CEP112: variants seen among roughly 807,000 people sequenced by gnomAD.
CEP112 encodes centrosomal protein of 112 kDa.
Under a neutral mutation model 153.0 loss-of-function variants are expected in CEP112, and 127 were observed. That is an observed-to-expected ratio of 0.83 (90% CI 0.72 to 0.96). The LOEUF is 0.96. CEP112 is among the 40% of genes least tolerant of loss of function. CEP112 has a pLI of 0.00. For synonymous variants in CEP112, 358 were observed against 374.4 expected, an observed-to-expected ratio of 0.96 and a Z score of 0.51; for missense variants, 1,089 against 1,101.2, an observed-to-expected ratio of 0.99 and a Z score of 0.16.
chr17:66,065,382 T>C (rs1209310783), intron 10 of CEP112, among the ~76,000 whole-genome samples: 1 of 152,136 alleles, frequency 6.6e-6, no homozygotes, highest in Non-Finnish European at 1.5e-5. Flanking sequence ...TTCTAATAAG[T>C]AGAATTCTCT....
intron 16 of CEP112, among the ~76,000 whole-genome samples, chr17:66,008,863 C>CTG (rs1194454550): frequency 1.6e-5 from 2 of 121,324 alleles, no homozygotes; most frequent in Non-Finnish European, 3.6e-5. Flanking sequence ...TAGTATTCCA[C>CTG]TGTATATATA....
intron 23 of CEP112, among the ~76,000 whole-genome samples, chr17:65,708,883 T>C (rs1332257669): frequency 6.6e-6 from 1 of 152,220 alleles, no homozygotes; most frequent in Non-Finnish European, 1.5e-5. Flanking sequence ...TCGTGGTGCC[T>C]GCCTCACACA....
At position 66,177,053 on chromosome 17, in the gene CEP112, T is replaced by C. The variant is rs191699256; in HGVS notation, c.107-33A>G. The C allele has an allele frequency of 9.3e-4, 1,421 of 1,530,274 alleles. 5 individuals carry two copies. The highest frequency in any genetic ancestry group is 1.2e-3 in the Non-Finnish European group (1,332 of 1,134,898). The allele number at this position is 1,530,274 out of a possible 1,614,324, so 94.8% of individuals were successfully genotyped here. A position where few individuals can be genotyped will look rare whatever the true frequency, so the allele number is the denominator to read the frequency against. On this transcript the variant is annotated intron_variant, in intron 2 of 26. Coordinates refer to ENST00000535342, the MANE Select transcript of CEP112 (RefSeq NM_001199165.4). The stretch of plus-strand genomic sequence containing the variant: ...TACAGAAGAACTATTAGAAATTTTA[T>C]TTTTTATAAAATGAAACATTCAATT...
chr17:65,929,541 C>T (rs2061048519), intron 18 of CEP112, among the ~76,000 whole-genome samples: 1 of 152,126 alleles, frequency 6.6e-6, no homozygotes, highest in African/African-American at 2.4e-5. Context: ...GCCACTAAGT[C>T]CACCTAGTCC....
At chr17:65,667,488 A>T (rs2046752661) in intron 24 of CEP112, among the ~76,000 whole-genome samples, 1 of 152,102 alleles carries the variant, frequency 6.6e-6, no homozygotes, top group African/African-American at 2.4e-5. Flanking sequence ...AAAGCAAAAA[A>T]ATATATATTA....
At chr17:65,810,807 G>A (rs148815499) in intron 21 of CEP112, among the ~76,000 whole-genome samples, 1,597 of 152,276 alleles carry the variant, frequency 0.01, 28 homozygotes, top group African/African-American at 0.036. Context: ...GATGAGGAGT[G>A]TAGTGTACTA....
chr17:66,102,524 A>G (rs1448898124), intron 6 of CEP112, among the ~76,000 whole-genome samples: 1 of 152,130 alleles, frequency 6.6e-6, no homozygotes, highest in Non-Finnish European at 1.5e-5. Context: ...CAGGCCAGGC[A>G]TGGTGGCTCA....
At chr17:65,767,317 T>C (rs1005296824) in intron 21 of CEP112, among the ~76,000 whole-genome samples, 1 of 151,916 alleles carries the variant, frequency 6.6e-6, no homozygotes, top group Non-Finnish European at 1.5e-5. Context: ...AAAGAAAAAC[T>C]GAAAACGATC....
chr17:65,718,623 T>G (rs1185708557), intron 23 of CEP112, among the ~76,000 whole-genome samples: 1 of 152,184 alleles, frequency 6.6e-6, no homozygotes, highest in African/African-American at 2.4e-5. Context: ...CTTTTTGTGA[T>G]CTATTTGTTT....
intron 17 of CEP112, among the ~76,000 whole-genome samples, chr17:65,981,112 G>A (rs532106663): frequency 6.6e-6 from 1 of 152,054 alleles, no homozygotes; most frequent in Non-Finnish European, 1.5e-5. Flanking sequence ...CACCACGCCC[G>A]GCCATCTTCT....
intron 17 of CEP112, among the ~76,000 whole-genome samples, chr17:65,965,519 T>A (rs28406483): frequency 2.3e-5 from 1 of 43,362 alleles, no homozygotes; most frequent in Non-Finnish European, 5.0e-5. Flanking sequence ...TTCTGCCCCC[T>A]TTTTTTTTTT....
At chr17:65,727,171 T>C (rs969126342) in intron 23 of CEP112, among the ~76,000 whole-genome samples, 1 of 152,224 alleles carries the variant, frequency 6.6e-6, no homozygotes, top group African/African-American at 2.4e-5. Context: ...AAATGAAAAC[T>C]TATACTGGTC....
At chr17:65,800,695 A>G (rs1359404121) in intron 21 of CEP112, among the ~76,000 whole-genome samples, 1 of 152,238 alleles carries the variant, frequency 6.6e-6, no homozygotes, top group Non-Finnish European at 1.5e-5. Context: ...ACTGTTTTCT[A>G]AAGTGGTTGG....
chr17:66,101,774 G>GA (rs1156426855), intron 6 of CEP112, among the ~76,000 whole-genome samples: 1 of 151,560 alleles, frequency 6.6e-6, no homozygotes, highest in Non-Finnish European at 1.5e-5. Context: ...ATACATGCTG[G>GA]AAAAAAATGC....
chr17:66,130,751 G>C (rs1048208561), intron 5 of CEP112, among the ~76,000 whole-genome samples: 1 of 148,642 alleles, frequency 6.7e-6, no homozygotes, highest in Non-Finnish European at 1.5e-5. Context: ...ACTCCAGCCT[G>C]GGCGACAGAG....
intron 20 of CEP112, among the ~76,000 whole-genome samples, chr17:65,869,373 T>C (rs555548052): frequency 6.6e-6 from 1 of 152,314 alleles, no homozygotes; most frequent in African/African-American, 2.4e-5. Context: ...TAGCCCATCT[T>C]GTGGTTCGGT....
chr17:66,138,406 C>T lies in CEP112; in HGVS notation c.471-5643G>A, dbSNP rs190495935. On this transcript the variant is annotated intron_variant, in intron 4 of 26. Transcript: ENST00000535342. ...GAGACAGGAACTCAAATAAGACAAA[C>T]GTTAAGTTTCTCCAGTGTTAAGACT... Among the ~76,000 whole-genome samples the T allele has an allele frequency of 2.8e-4, 43 of 152,164 alleles. 1 individual carries two copies. Among genetic ancestry groups the T allele is most frequent in the African/African-American group, 9.6e-4 (40 of 41,512 alleles).
At chr17:65,888,241 T>C (rs989228931) in intron 20 of CEP112, among the ~76,000 whole-genome samples, 2 of 152,232 alleles carry the variant, frequency 1.3e-5, no homozygotes, top group Non-Finnish European at 2.9e-5. Context: ...TGTTCAGATC[T>C]TCCCTTTGCT....
chr17:65,811,171 T>C (rs1318279169), intron 21 of CEP112, among the ~76,000 whole-genome samples: 2 of 152,108 alleles, frequency 1.3e-5, no homozygotes, highest in Non-Finnish European at 2.9e-5. Flanking sequence ...GATACTGTAG[T>C]AGAGTACATG....
Sources: allele counts gnomAD v4.1 joint callset (sites outside exome capture counted in the v4.1 genomes callset), GRCh38; gene constraint gnomAD v4.1.1; transcripts MANE v1.5; gene names NCBI Gene and HGNC (gene_info 2026-07-23, HGNC 2026-07-21).